Variants in PLSCR1 observed in about 807,000 individuals in gnomAD.
PLSCR1 encodes the protein PL scramblase 1.
A neutral mutation model predicts 37.8 loss-of-function variants in PLSCR1; 17 were observed. The ratio of observed to expected loss-of-function variants is 0.45; its 90% CI spans 0.31 to 0.68. The LOEUF (loss-of-function observed/expected upper bound fraction) is 0.68, where lower values mean the gene tolerates loss of function less well. Among genes scored for constraint, PLSCR1 ranks in the 30% least tolerant of loss-of-function variants. The pLI, the probability that PLSCR1 is intolerant of heterozygous loss-of-function variation, is 0.06. For missense variants in PLSCR1, 347 were observed against 380.9 expected, an observed-to-expected ratio of 0.91 and a Z score of 0.74; for synonymous variants, 116 against 125.9, an observed-to-expected ratio of 0.92 and a Z score of 0.53.
In PLSCR1 at chr3:146,525,516, A is replaced by T; in HGVS notation, c.355+89T>A. On this transcript the variant is annotated intron_variant, in intron 5 of 8. Transcript: ENST00000342435. ...CTGGTTTAACTGTCCTATATAAGTG[A>T]GAGTGTTATATTTGTGGAGGTCAAT... 4.2e-6 allele frequency: 3 copies of T among 722,756 alleles called. 1 individual carries two copies. In the South Asian group the frequency reaches 4.6e-5, roughly 11 times the overall value. 44.8% of individuals were successfully genotyped at this position (722,756 alleles called of 1,614,324 possible). A position where few individuals can be genotyped will look rare whatever the true frequency, so the allele number is the denominator to read the frequency against.
intron 3 of PLSCR1, among the ~76,000 whole-genome samples, chr3:146,532,893 T>C (rs1401390389): frequency 6.6e-6 from 1 of 152,248 alleles, no homozygotes; most frequent in Non-Finnish European, 1.5e-5. Context: ...CAATTACTTT[T>C]CTTAGAAATA....
rs541623131 is a variant in PLSCR1, at chr3:146,538,558, AT to A, written c.-13-1994del. On this transcript the variant is annotated intron_variant, in intron 1 of 8. Coordinates refer to ENST00000342435, the MANE Select transcript of PLSCR1 (RefSeq NM_021105.3). ...ATAACATGCTTAGCTTAAAAAAAAA[AT>A]TCTATGGCCTTTAACCAATTTTAAC... Among the ~76,000 whole-genome samples the A allele has an allele frequency of 1.2e-4, 19 of 152,270 alleles. No homozygotes were observed. The East Asian group carries it at 2.3e-3, about 19-fold the overall frequency.
At chr3:146,520,408 G>T (rs888480168) in intron 7 of PLSCR1, among the ~76,000 whole-genome samples, 2 of 152,026 alleles carry the variant, frequency 1.3e-5, no homozygotes, top group African/African-American at 4.8e-5. Flanking sequence ...TCTGGATGTA[G>T]GACAGAGATT....
Position 146,515,976 on chromosome 3 carries a change from G to T in PLSCR1, c.*69C>A. On this transcript the variant is annotated 3_prime_UTR_variant, in exon 9 of 9. Transcript: ENST00000342435. ...CAGGCCTTACAGCTTAATTCATACA[G>T]GTATGAGTTTAGATAGTCTCAATCA... 1 of 941,580 alleles carries T rather than the reference G, an allele frequency of 1.1e-6. No homozygotes were observed. The highest frequency in any genetic ancestry group is 1.7e-6 in the Non-Finnish European group (1 of 583,252). The allele number at this position is 941,580 out of a possible 1,614,324, so 58.3% of individuals were successfully genotyped here.
At chr3:146,544,286 T>C (rs1305263968) in intron 1 of PLSCR1, among the ~76,000 whole-genome samples, 181 bp downstream of exon 1, 4 of 152,190 alleles carry the variant, frequency 2.6e-5, no homozygotes, top group African/African-American at 4.8e-5. Context: ...CTTGCATTTC[T>C]GGCCCCAACC....
intron 3 of PLSCR1, among the ~76,000 whole-genome samples, chr3:146,531,847 C>T (rs1158570312): frequency 6.6e-6 from 1 of 152,090 alleles, no homozygotes; most frequent in African/African-American, 2.4e-5. Flanking sequence ...ACCTGGTTTA[C>T]CAGCACATTT....
chr3:146,544,034 A>G (rs376928625), intron 1 of PLSCR1, among the ~76,000 whole-genome samples: 40 of 152,242 alleles, frequency 2.6e-4, no homozygotes, highest in Middle Eastern at 3.4e-3. Context: ...TGTATTAACC[A>G]TTCCTTCTAA....
At position 146,528,685 on chromosome 3, in the gene PLSCR1, C is replaced by A; in HGVS notation, c.241G>T (p.Ala81Ser). ...QPVYNQPVGA[A>S]GVPWMPAPQP... ...GGCGCTGGCATCCATGGTACCCCTG[C>A]AGCTCCAACTGGCTGATTATATACT... Residue 81 changes from alanine to serine, a missense_variant, in exon 4 of 9, where the codon GCA becomes TCA. Transcript: ENST00000342435. 1 of 1,614,178 alleles carries A rather than the reference C, an allele frequency of 6.2e-7. No homozygotes were observed. Among genetic ancestry groups the A allele is most frequent in the South Asian group, 1.1e-5 (1 of 91,092 alleles).
rs760772583 is a variant in PLSCR1 at position 146,516,062 on chromosome 3, T to C, written c.940A>G (p.Lys314Glu). The change falls in exon 9 of 9, where the codon AAA (lysine) becomes GAA (glutamate). Residue 314 changes from lysine (K) to glutamate (E), a missense_variant. Coordinates refer to ENST00000342435, the MANE Select transcript of PLSCR1 (RefSeq NM_021105.3). Reference sequence around the variant, plus strand: ...CTAATCCACTACCACACTCCTGATTTTTGTTCCTGGCTGCCAGTGCTTTCA... The same window carrying C: ...CTAATCCACTACCACACTCCTGATTCTTGTTCCTGGCTGCCAGTGCTTTCA... ...FFESTGSQEQ[K>E]SGVW 1.1e-5 allele frequency: 18 copies of C among 1,609,014 alleles called. No individual in the cohort carries two copies. The highest frequency in any genetic ancestry group is 8.5e-7 in the Non-Finnish European group (1 of 1,176,410).
At chr3:146,528,859 G>C in intron 3 of PLSCR1, 28 bp from the exon 4 acceptor site, 2 of 1,540,330 alleles carry the variant, frequency 1.3e-6, no homozygotes, top group Non-Finnish European at 1.8e-6. Flanking sequence ...GAAATGATTT[G>C]TAACTGCACC....
At chr3:146,520,856 A>G (rs1387823329) in intron 7 of PLSCR1, among the ~76,000 whole-genome samples, 1 of 152,202 alleles carries the variant, frequency 6.6e-6, no homozygotes, top group Non-Finnish European at 1.5e-5. Flanking sequence ...GAAACAAGAA[A>G]TCAAGATTAA....
chr3:146,535,137 A>G (rs951640962), intron 2 of PLSCR1, among the ~76,000 whole-genome samples: 1 of 152,006 alleles, frequency 6.6e-6, no homozygotes, highest in East Asian at 1.9e-4. Context: ...CAGACTCAGA[A>G]TAGATTTCAA....
At chr3:146,521,791 G>C in intron 6 of PLSCR1, 42 bp downstream of exon 6, 1 of 1,575,962 alleles carries the variant, frequency 6.3e-7, no homozygotes, top group Non-Finnish European at 8.7e-7. Context: ...AGAAATTCTT[G>C]CTGAACTATT....
chr3:146,540,065 T>C (rs1368777512), intron 1 of PLSCR1, among the ~76,000 whole-genome samples: 2 of 152,230 alleles, frequency 1.3e-5, no homozygotes, highest in Non-Finnish European at 2.9e-5. Flanking sequence ...TAATTTAGCA[T>C]GATAATTCAT....
At chr3:146,516,945 A>G (rs2043955033) in intron 8 of PLSCR1, 61 bp downstream of exon 8, 2 of 1,027,778 alleles carry the variant, frequency 1.9e-6, no homozygotes, top group East Asian at 5.4e-5. Flanking sequence ...ACTTTACTGA[A>G]TCATTTCAGA....
rs750251967 is a variant in PLSCR1 at position 146,525,588 on chromosome 3, A to T, written c.355+17T>A. 2 of 1,351,056 alleles carry T rather than the reference A, an allele frequency of 1.5e-6. No individual in the cohort carries two copies. Among genetic ancestry groups the T allele is most frequent in the Non-Finnish European group, 2.1e-6 (2 of 946,794 alleles). 83.7% of individuals were successfully genotyped at this position (1,351,056 alleles called of 1,614,324 possible). A position where few individuals can be genotyped will look rare whatever the true frequency, so the allele number is the denominator to read the frequency against. On this transcript the variant is annotated intron_variant, in intron 5 of 8. Transcript: ENST00000342435. ...TCTACTCTTTATAGAAACAGGATTA[A>T]AACAATGAATACATACCTTCCAGAA... is the stretch of plus-strand genomic sequence containing the variant.
At chr3:146,521,460 T>C in intron 7 of PLSCR1, 84 bp downstream of exon 7, 1 of 1,148,040 alleles carries the variant, frequency 8.7e-7, no homozygotes, top group Non-Finnish European at 1.3e-6. Context: ...ACAACACTTA[T>C]TTAATGCATT....
chr3:146,525,444 C>A, intron 5 of PLSCR1, 161 bp downstream of exon 5: 1 of 552,766 alleles, frequency 1.8e-6, no homozygotes, highest in Non-Finnish European at 3.2e-6. Context: ...CTTTTGATTC[C>A]TAAATTTTAG....
chr3:146,530,854 A>G (rs939520995), intron 3 of PLSCR1, among the ~76,000 whole-genome samples: 1 of 152,218 alleles, frequency 6.6e-6, no homozygotes, highest in Admixed American at 6.5e-5. Context: ...AATGAGTTCC[A>G]TGGTCTTATC....
Sources: gnomAD v4.1 joint callset for allele counts (sites outside exome capture counted in the v4.1 genomes callset) on GRCh38, gnomAD v4.1.1 for gene constraint, MANE v1.5 for transcripts, NCBI Gene and HGNC (gene_info 2026-07-23, HGNC 2026-07-21) for gene names.